Variants in UBE2E1 observed in about 807,000 individuals in gnomAD.
UBE2E1 encodes the protein ubiquitin-conjugating enzyme E2 E1.
Under a neutral mutation model 21.4 loss-of-function variants are expected in UBE2E1, and 6 were observed. The observed-to-expected ratio is 0.28, with a 90% CI of 0.15 to 0.55. The LOEUF is 0.55. UBE2E1 is among the 20% of genes least tolerant of loss of function. The probability of loss-of-function intolerance (pLI) is 0.93; values close to 1 mark genes in which losing one functional copy is unlikely to be tolerated. For missense variants in UBE2E1, 142 were observed against 236.5 expected, an observed-to-expected ratio of 0.60 and a Z score of 2.62; for synonymous variants, 87 against 82.7, an observed-to-expected ratio of 1.05 and a Z score of -0.28.
At chr3:23,809,483 G>A (rs1163871629) in intron 2 of UBE2E1, among the ~76,000 whole-genome samples, 1 of 152,200 alleles carries the variant, frequency 6.6e-6, no homozygotes, top group African/African-American at 2.4e-5. Context: ...TAAACCGTGG[G>A]TAGAGGAAAG....
chr3:23,868,514 G>A (rs1700705367), intron 3 of UBE2E1, among the ~76,000 whole-genome samples: 1 of 151,818 alleles, frequency 6.6e-6, no homozygotes, highest in South Asian at 2.1e-4. Flanking sequence ...TCACCATATT[G>A]GCCAGGCTGG....
At chr3:23,827,378 T>C (rs1474021965) in intron 3 of UBE2E1, among the ~76,000 whole-genome samples, 2 of 152,222 alleles carry the variant, frequency 1.3e-5, no homozygotes, top group Non-Finnish European at 2.9e-5. Context: ...TATACAAATT[T>C]TAGCTTAGTT....
chr3:23,853,136 G>A lies in UBE2E1; in HGVS notation c.204-34431G>A, dbSNP rs545644578. Among the ~76,000 whole-genome samples, 107 of 150,270 alleles carry A rather than the reference G, an allele frequency of 7.1e-4. No homozygotes were observed. The highest frequency in any genetic ancestry group is 1.4e-3 in the African/African-American group (58 of 40,844). ...TCGAACTCCCAACCTCAGGTGATCT[G>A]CCCACCTTGGCCTCCCAGAGTGCTG... On this transcript the variant is annotated intron_variant, in intron 3 of 5. Transcript: ENST00000306627. This position sits in a 1 kb window ranked among gnomAD's most constrained non-coding sequence, Gnocchi z 4.1.
chr3:23,820,183 ATTC>A (rs1370276457), intron 3 of UBE2E1, among the ~76,000 whole-genome samples: 6 of 152,220 alleles, frequency 3.9e-5, no homozygotes, highest in Admixed American at 3.9e-4. Context: ...TAATAAGCCC[ATTC>A]TTATTCAGCC....
chr3:23,816,898 G>A lies in UBE2E1; in HGVS notation c.203+5388G>A, dbSNP rs1344893284. 6.6e-6 allele frequency among the ~76,000 whole-genome samples: 1 copy of A among 152,150 alleles called. No individual in the cohort carries two copies. Among genetic ancestry groups the A allele is most frequent in the Admixed American group, 6.5e-5 (1 of 15,280 alleles). On this transcript the variant is annotated intron_variant, in intron 3 of 5. Coordinates refer to ENST00000306627, the MANE Select transcript of UBE2E1 (RefSeq NM_003341.5). This position sits in a 1 kb window ranked among gnomAD's most constrained non-coding sequence, Gnocchi z 4.8. The stretch of plus-strand genomic sequence containing the variant: ...GAATACAGTTTCTTTTTGAGGTGGT[G>A]AAAGTTTTGGAAATAATGGTGATGG...
At chr3:23,875,565 A>G (rs912375069) in intron 3 of UBE2E1, among the ~76,000 whole-genome samples, 3 of 152,170 alleles carry the variant, frequency 2.0e-5, no homozygotes, top group Non-Finnish European at 4.4e-5. Flanking sequence ...AAGTTTATCT[A>G]CTTTATGCTA....
At chr3:23,829,447 A>C (rs1157086871) in intron 3 of UBE2E1, among the ~76,000 whole-genome samples, 1 of 151,778 alleles carries the variant, frequency 6.6e-6, no homozygotes, top group Non-Finnish European at 1.5e-5. Flanking sequence ...GGTGTGAATC[A>C]CCACACCCAG....
At chr3:23,851,285 A>G (rs1034474608) in intron 3 of UBE2E1, among the ~76,000 whole-genome samples, 1 of 152,118 alleles carries the variant, frequency 6.6e-6, no homozygotes, top group Admixed American at 6.5e-5. Context: ...ACGATGTCTT[A>G]ATTTCTGTGG....
intron 3 of UBE2E1, among the ~76,000 whole-genome samples, chr3:23,838,561 C>G (rs1486054136): frequency 6.6e-6 from 1 of 152,052 alleles, no homozygotes; most frequent in Non-Finnish European, 1.5e-5. Flanking sequence ...GTGGCCTGAT[C>G]TCAGCTCACT....
At chr3:23,882,440 C>CA (rs1480062653) in intron 3 of UBE2E1, among the ~76,000 whole-genome samples, 4 of 152,264 alleles carry the variant, frequency 2.6e-5, no homozygotes, top group Admixed American at 2.0e-4. Flanking sequence ...TCCAAGTCCC[C>CA]ACTTAACTCA....
intron 3 of UBE2E1, among the ~76,000 whole-genome samples, chr3:23,826,304 G>A (rs1445246608): frequency 6.6e-6 from 1 of 152,228 alleles, no homozygotes; most frequent in Admixed American, 6.5e-5. Flanking sequence ...TGACGTAAAG[G>A]TTGGATGAAG....
At chr3:23,824,845 G>T (rs1699721807) in intron 3 of UBE2E1, among the ~76,000 whole-genome samples, 1 of 152,126 alleles carries the variant, frequency 6.6e-6, no homozygotes. Flanking sequence ...AGCCAGTTCG[G>T]TGAAGTTTTC....
In UBE2E1 at chr3:23,816,527, A is replaced by C. The variant is rs1414006984; in HGVS notation, c.203+5017A>C. 1.3e-5 allele frequency among the ~76,000 whole-genome samples: 2 copies of C among 152,156 alleles called. No homozygotes were observed. Among genetic ancestry groups the C allele is most frequent in the Non-Finnish European group, 2.9e-5 (2 of 68,030 alleles). ...CGACACCATCGTGGCGAACACAGTG[A>C]AACCCCGTCTCTACTAAAAATACAA... On this transcript the variant is annotated intron_variant, in intron 3 of 5. Coordinates refer to ENST00000306627, the MANE Select transcript of UBE2E1 (RefSeq NM_003341.5). The surrounding 1 kb of genome is among the most constrained non-coding windows in gnomAD (Gnocchi z 4.8).
chr3:23,823,843 C>T lies in UBE2E1; in HGVS notation c.203+12333C>T, dbSNP rs923181076. ...TACTACTTGCTAGTATATCACACTG[C>T]TTTGGCCTTTTTCTGAGTAACCCTC... On this transcript the variant is annotated intron_variant, in intron 3 of 5. Coordinates refer to ENST00000306627, the MANE Select transcript of UBE2E1 (RefSeq NM_003341.5). The surrounding 1 kb of genome is among the most constrained non-coding windows in gnomAD (Gnocchi z 4.2). Among the ~76,000 whole-genome samples, 2 of 152,174 alleles carry T rather than the reference C, an allele frequency of 1.3e-5. No individual in the cohort carries two copies. Among genetic ancestry groups the T allele is most frequent in the African/African-American group, 4.8e-5 (2 of 41,426 alleles).
At chr3:23,839,101 T>C (rs1438420705) in intron 3 of UBE2E1, among the ~76,000 whole-genome samples, 1 of 152,168 alleles carries the variant, frequency 6.6e-6, no homozygotes, top group Non-Finnish European at 1.5e-5. Flanking sequence ...TATATTTTAT[T>C]CTGCATGTTA....
At chr3:23,867,801 G>A (rs1700691516) in intron 3 of UBE2E1, among the ~76,000 whole-genome samples, 1 of 152,164 alleles carries the variant, frequency 6.6e-6, no homozygotes. Context: ...GAGCAGAGAA[G>A]GCAGAACAGT....
intron 3 of UBE2E1, among the ~76,000 whole-genome samples, chr3:23,874,663 C>A (rs1470942592): frequency 2.0e-5 from 3 of 152,060 alleles, no homozygotes; most frequent in Non-Finnish European, 4.4e-5. Context: ...ACTTCTTGGG[C>A]GAAAGGGCAG....
At chr3:23,822,275 A>G (rs183638528) in intron 3 of UBE2E1, among the ~76,000 whole-genome samples, 15 of 152,194 alleles carry the variant, frequency 9.9e-5, no homozygotes, top group African/African-American at 3.6e-4. Flanking sequence ...AGGAGGAATG[A>G]TTTTCAAGAA....
Position 23,887,422 on chromosome 3 carries a change from G to C in UBE2E1, c.204-145G>C. 1 of 1,133,026 alleles carries C rather than the reference G, an allele frequency of 8.8e-7. No homozygotes were observed. Among genetic ancestry groups the C allele is most frequent in the Non-Finnish European group, 1.2e-6 (1 of 838,542 alleles). The allele number at this position is 1,133,026 out of a possible 1,614,324, so 70.2% of individuals were successfully genotyped here. ...ATGGCTATGGGTTTGTTGCAGTTCT[G>C]CATCCGTTTCTGTACTTGTTTTGTA... is the stretch of plus-strand genomic sequence containing the variant. On this transcript the variant is annotated intron_variant, in intron 3 of 5. Coordinates refer to ENST00000306627, the MANE Select transcript of UBE2E1 (RefSeq NM_003341.5). The surrounding 1 kb of genome is among the most constrained non-coding windows in gnomAD (Gnocchi z 4.4).
Sources: gnomAD v4.1 joint callset for allele counts (sites outside exome capture counted in the v4.1 genomes callset) on GRCh38, gnomAD v4.1.1 for gene constraint, Gnocchi (gnomAD v3.1) non-coding constraint, MANE v1.5 for transcripts, NCBI Gene and HGNC (gene_info 2026-07-23, HGNC 2026-07-21) for gene names.